The following PREX1 variants were observed in gnomAD, a reference collection of about 807,000 sequenced individuals.
The protein encoded by PREX1 is phosphatidylinositol-3,4,5-trisphosphate dependent Rac exchange factor 1.
PREX1 carries 41 observed loss-of-function variants against 198.3 expected under a neutral mutation model. The observed-to-expected ratio is 0.21, with a 90% confidence interval of 0.16 to 0.27. The LOEUF (loss-of-function observed/expected upper bound fraction) is 0.27, where lower values mean the gene tolerates loss of function less well. PREX1 is among the 10% of genes least tolerant of loss of function. The pLI is 1.00. For synonymous variants in PREX1, 843 were observed against 887.2 expected, an observed-to-expected ratio of 0.95 and a Z score of 0.89; for missense variants, 1,620 against 2,200.7, an observed-to-expected ratio of 0.74 and a Z score of 5.28.
intron 39 of PREX1, 31 bp from the exon 40 acceptor site, chr20:48,625,958 G>A (rs910934378): frequency 6.6e-7 from 1 of 1,519,428 alleles, no homozygotes; most frequent in Non-Finnish European, 8.8e-7. Context: ...AATGAGGAGA[G>A]GCCGGGGCGG....
At chr20:48,649,867 G>C (rs1397790142) in intron 24 of PREX1, 129 bp downstream of exon 24, 3 of 1,122,684 alleles carry the variant, frequency 2.7e-6, no homozygotes, top group South Asian at 1.3e-5. Context: ...CCCATAAAGA[G>C]AGAAGGTCAT....
chr20:48,644,238 G>C (rs377232902), intron 27 of PREX1, among the ~76,000 whole-genome samples, 171 bp downstream of exon 27: 14 of 152,244 alleles, frequency 9.2e-5, no homozygotes, highest in Non-Finnish European at 1.3e-4. Context: ...ACATAATATG[G>C]GCTCAAGAAA....
At chr20:48,759,458 G>A (rs2090169182) in intron 1 of PREX1, among the ~76,000 whole-genome samples, 1 of 146,816 alleles carries the variant, frequency 6.8e-6, no homozygotes, top group Non-Finnish European at 1.5e-5. Flanking sequence ...GCTAAGACAG[G>A]AGAATCATTT....
chr20:48,776,689 C>T (rs938564740), intron 1 of PREX1, among the ~76,000 whole-genome samples: 1 of 152,172 alleles, frequency 6.6e-6, no homozygotes, highest in Non-Finnish European at 1.5e-5. Flanking sequence ...GTATTTGCTC[C>T]CATGGCCACT....
At chr20:48,760,779 G>C (rs1464972568) in intron 1 of PREX1, among the ~76,000 whole-genome samples, 1 of 152,054 alleles carries the variant, frequency 6.6e-6, no homozygotes, top group East Asian at 1.9e-4. Context: ...CTGGGTGCTG[G>C]AGACACAGAT....
Position 48,649,642 on chromosome 20 carries a change from A to G in PREX1, c.3029-66T>C. The G allele has an allele frequency of 4.0e-6, 6 of 1,487,758 alleles. No homozygotes were observed. In the South Asian group the frequency reaches 7.9e-5, roughly 20 times the overall value. 92.2% of individuals were successfully genotyped at this position (1,487,758 alleles called of 1,614,324 possible). A position where few individuals can be genotyped will look rare whatever the true frequency, so the allele number is the denominator to read the frequency against. ...CAGCATCCACTGGGCCTTTGGGCGG[A>G]ACAATACAAACCCATTTCAAGGATC... is the stretch of plus-strand genomic sequence containing the variant. On this transcript the variant is annotated intron_variant, in intron 24 of 39. Transcript: ENST00000371941.
chr20:48,838,410 C>T, the PREX1 span, among the ~76,000 whole-genome samples: 1 of 152,186 alleles, frequency 6.6e-6, no homozygotes, highest in Non-Finnish European at 1.5e-5. Context: ...AAGAATCACA[C>T]ATTCAGACAA....
At chr20:48,629,102 T>C (rs1368381279) in intron 37 of PREX1, among the ~76,000 whole-genome samples, 3 of 151,920 alleles carry the variant, frequency 2.0e-5, no homozygotes, top group Non-Finnish European at 4.4e-5. Context: ...AGGATGGAGG[T>C]AGGAGGCAGG....
chr20:48,649,672 T>C (rs1191502736), intron 24 of PREX1, 96 bp from the exon 25 acceptor site: 10 of 1,383,176 alleles, frequency 7.2e-6, no homozygotes, highest in South Asian at 1.5e-5. Flanking sequence ...AGGATCCCAA[T>C]GAAGGAGAAA....
At chr20:48,747,972 T>C (rs1441418849) in intron 1 of PREX1, 92 bp from the exon 2 acceptor site, 3 of 1,196,890 alleles carry the variant, frequency 2.5e-6, no homozygotes, top group African/African-American at 3.0e-5. Context: ...AAATGCCAAC[T>C]AGGATCTGGG....
At chr20:48,688,852 A>G in intron 9 of PREX1, 48 bp from the exon 10 acceptor site, 1 of 1,587,604 alleles carries the variant, frequency 6.3e-7, no homozygotes, top group Non-Finnish European at 8.6e-7. Flanking sequence ...GGCCCAGGGC[A>G]GGGGGGGTAG....
intron 3 of PREX1, among the ~76,000 whole-genome samples, chr20:48,735,585 C>T (rs1436963051): frequency 1.3e-5 from 2 of 151,002 alleles, no homozygotes; most frequent in Non-Finnish European, 2.9e-5. Context: ...ACACAGAGTA[C>T]ATACCCAGCA....
intron 17 of PREX1, among the ~76,000 whole-genome samples, chr20:48,657,520 T>C (rs1477075851): frequency 2.0e-5 from 3 of 152,208 alleles, no homozygotes; most frequent in African/African-American, 7.2e-5. Flanking sequence ...CGAAGAAAGA[T>C]GAAGACCTGC....
chr20:48,626,494 C>T (rs1350394136), intron 39 of PREX1, among the ~76,000 whole-genome samples: 4 of 152,236 alleles, frequency 2.6e-5, no homozygotes, highest in Non-Finnish European at 4.4e-5. Flanking sequence ...TTAGCGTCCC[C>T]ACCTGCCAAG....
chr20:48,676,406 T>G (rs2123003038), intron 13 of PREX1, 138 bp from the exon 14 acceptor site: 1 of 765,570 alleles, frequency 1.3e-6, no homozygotes. Flanking sequence ...GGTCCGAGTC[T>G]CAGCCCAGAC....
chr20:48,826,454 A>G (rs2090509262), intron 1 of PREX1, among the ~76,000 whole-genome samples: 1 of 152,150 alleles, frequency 6.6e-6, no homozygotes, highest in Admixed American at 6.5e-5. Flanking sequence ...AGGGGTTTAG[A>G]ACACCAGCTG....
intron 1 of PREX1, among the ~76,000 whole-genome samples, chr20:48,804,244 G>A (rs2090400221): frequency 6.6e-6 from 1 of 152,240 alleles, no homozygotes; most frequent in Non-Finnish European, 1.5e-5. Context: ...GGGAATAAAA[G>A]AGACAAAACC....
At chr20:48,773,810 GA>G (rs1366217631) in intron 1 of PREX1, among the ~76,000 whole-genome samples, 1 of 152,188 alleles carries the variant, frequency 6.6e-6, no homozygotes, top group African/African-American at 2.4e-5. Flanking sequence ...CTGAGCAGGG[GA>G]AGGACAGGAT....
rs567890604 is a variant in PREX1, at chr20:48,704,518, C to T, written c.784-3632G>A. On this transcript the variant is annotated intron_variant, in intron 6 of 39. Coordinates refer to ENST00000371941, the MANE Select transcript of PREX1 (RefSeq NM_020820.4). ...CCAGAGCCAGAAAATGGAGTGCCTT[C>T]CTTCCTTCCTTTCCTTCCTTCCTTT... Among the ~76,000 whole-genome samples, 194 of 151,798 alleles carry T rather than the reference C, an allele frequency of 1.3e-3. 1 individual carries two copies. The highest frequency in any genetic ancestry group is 1.9e-3 in the Non-Finnish European group (132 of 67,896).
Sources: gnomAD v4.1 joint callset for allele counts (sites outside exome capture counted in the v4.1 genomes callset) on GRCh38, gnomAD v4.1.1 for gene constraint, MANE v1.5 for transcripts, NCBI Gene and HGNC (gene_info 2026-07-23, HGNC 2026-07-21) for gene names.